Variants in DENND2C observed in about 807,000 individuals in gnomAD.
DENND2C encodes the protein DENN domain containing 2C.
DENND2C carries 72 observed loss-of-function variants against 112.4 expected under a neutral mutation model. The observed-to-expected ratio is 0.64, with a 90% CI of 0.53 to 0.78. The LOEUF is 0.78. DENND2C is among the 30% of genes least tolerant of loss of function. The pLI, the probability that DENND2C is intolerant of heterozygous loss-of-function variation, is 0.00. For synonymous variants in DENND2C, 329 were observed against 381.6 expected, an observed-to-expected ratio of 0.86 and a Z score of 1.61; for missense variants, 992 against 1,113.8, an observed-to-expected ratio of 0.89 and a Z score of 1.56.
intron 7 of DENND2C, among the ~76,000 whole-genome samples, chr1:114,620,110 G>A (rs1171366553): frequency 6.6e-6 from 1 of 152,128 alleles, no homozygotes; most frequent in East Asian, 1.9e-4. Flanking sequence ...CCCTTCCAGG[G>A]ACAGCTGGAG....
chr1:114,630,254 GC>G (rs1407975284), intron 3 of DENND2C, among the ~76,000 whole-genome samples: 1 of 151,816 alleles, frequency 6.6e-6, no homozygotes. Context: ...GCTTCAGTGA[GC>G]CGAGATCGCG....
intron 9 of DENND2C, among the ~76,000 whole-genome samples, chr1:114,609,300 C>G (rs1402451978): frequency 6.6e-6 from 1 of 152,200 alleles, no homozygotes; most frequent in Non-Finnish European, 1.5e-5. Context: ...GGGCAGAGAT[C>G]TGATAAAATA....
intron 3 of DENND2C, among the ~76,000 whole-genome samples, chr1:114,635,716 T>C (rs1656635721): frequency 6.6e-6 from 1 of 152,050 alleles, no homozygotes; most frequent in Non-Finnish European, 1.5e-5. Context: ...TCTAAAATAT[T>C]AGTAAGTCCA....
intron 1 of DENND2C, among the ~76,000 whole-genome samples, chr1:114,657,264 T>C (rs191461886): frequency 1.6e-4 from 25 of 152,364 alleles, no homozygotes; most frequent in African/African-American, 5.5e-4. Context: ...CTTTTGTTTG[T>C]TTGTTTGTTT....
At chr1:114,589,335 T>TG (rs1045939749) in intron 18 of DENND2C, among the ~76,000 whole-genome samples, 90 of 152,316 alleles carry the variant, frequency 5.9e-4, no homozygotes, top group Middle Eastern at 3.4e-3. Flanking sequence ...TAATAGTGGG[T>TG]GGCTCACTTT....
At chr1:114,630,222 C>T (rs1338306185) in intron 3 of DENND2C, among the ~76,000 whole-genome samples, 7 of 151,812 alleles carry the variant, frequency 4.6e-5, no homozygotes, top group African/African-American at 1.5e-4. Flanking sequence ...GCAGGAGAAT[C>T]GCTTGAACCC....
chr1:114,618,862 GA>G (rs1656077450), intron 7 of DENND2C, among the ~76,000 whole-genome samples: 1 of 152,192 alleles, frequency 6.6e-6, no homozygotes. Flanking sequence ...TCATTTATCT[GA>G]AAGGCAGGGT....
At chr1:114,590,232 A>T (rs1655149343) in intron 18 of DENND2C, among the ~76,000 whole-genome samples, 1 of 152,154 alleles carries the variant, frequency 6.6e-6, no homozygotes, top group Non-Finnish European at 1.5e-5. Context: ...TCTACAAAAA[A>T]TTAAAGAATT....
chr1:114,602,292 T>C, intron 11 of DENND2C, 98 bp from the exon 12 acceptor site: 1 of 1,216,914 alleles, frequency 8.2e-7, no homozygotes, highest in Non-Finnish European at 1.2e-6. Flanking sequence ...ACAGTAGTCA[T>C]TTTGTGATCT....
chr1:114,585,272 C>A lies in DENND2C; in HGVS notation c.*328G>T. The A allele has an allele frequency of 3.4e-6, 1 of 292,844 alleles. No homozygotes were observed. 18.1% of individuals were successfully genotyped at this position (292,844 alleles called of 1,614,324 possible). A position where few individuals can be genotyped will look rare whatever the true frequency, so the allele number is the denominator to read the frequency against. On this transcript the variant is annotated 3_prime_UTR_variant, in exon 21 of 21. Transcript: ENST00000393274. ...TCTTTGAGCTATTTTTTAAATGTAA[C>A]AACAACAAGGCTTTTCCTTGTGAAA...
chr1:114,661,265 T>G (rs1229167182), intron 1 of DENND2C, among the ~76,000 whole-genome samples: 1 of 152,198 alleles, frequency 6.6e-6, no homozygotes, highest in Non-Finnish European at 1.5e-5. Flanking sequence ...TGTCCAATAA[T>G]GGTAAAGAAT....
rs1657252611 is a variant in DENND2C, at chr1:114,654,497, T to C, written c.-317+8A>G. 6.6e-6 allele frequency: 1 copy of C among 152,104 alleles called. No homozygotes were observed. The highest frequency in any genetic ancestry group is 1.5e-5 in the Non-Finnish European group (1 of 68,004). The allele number at this position is 152,104 out of a possible 1,614,324, so 9.4% of individuals were successfully genotyped here. A position where few individuals can be genotyped will look rare whatever the true frequency, so the allele number is the denominator to read the frequency against. ...TTATAGCATTTGTTTCAAAAGGAGA[T>C]AACTTACTTTTTAAAGATTCATCAA... On this transcript the variant is annotated splice_region_variant and intron_variant, in intron 2 of 20. Coordinates refer to ENST00000393274, the MANE Select transcript of DENND2C (RefSeq NM_001256404.2).
At chr1:114,629,705 G>T (rs1190196908) in intron 3 of DENND2C, among the ~76,000 whole-genome samples, 1 of 152,060 alleles carries the variant, frequency 6.6e-6, no homozygotes, top group Non-Finnish European at 1.5e-5. Flanking sequence ...ACCAACTGTA[G>T]TTTATCAGCT....
chr1:114,589,383 G>A (rs1206216958), intron 18 of DENND2C, among the ~76,000 whole-genome samples: 8 of 152,152 alleles, frequency 5.3e-5, no homozygotes, highest in Admixed American at 4.6e-4. Context: ...AGCTAGCAGG[G>A]CTGACCAGGT....
chr1:114,657,515 G>A lies in DENND2C; in HGVS notation c.-573-2754C>T, dbSNP rs138684599. 2.6e-4 allele frequency among the ~76,000 whole-genome samples: 40 copies of A among 152,286 alleles called. No individual in the cohort carries two copies. The East Asian group carries it at 7.1e-3, about 27-fold the overall frequency. ...AGTACTATCAATGTGTGGAATCATG[G>A]AAGCCAAAGGAAGAGACTCTATCAA... On this transcript the variant is annotated intron_variant, in intron 1 of 20. Coordinates refer to ENST00000393274, the MANE Select transcript of DENND2C (RefSeq NM_001256404.2).
intron 11 of DENND2C, among the ~76,000 whole-genome samples, chr1:114,604,542 G>A (rs929308722): frequency 6.6e-6 from 1 of 152,108 alleles, no homozygotes; most frequent in Non-Finnish European, 1.5e-5. Flanking sequence ...GAAGAAAGAA[G>A]ATAAAGATGA....
At chr1:114,638,413 C>T (rs775428506) in intron 3 of DENND2C, among the ~76,000 whole-genome samples, 1 of 152,092 alleles carries the variant, frequency 6.6e-6, no homozygotes, top group Non-Finnish European at 1.5e-5. Context: ...AGAATGGATA[C>T]ATTGGACTTC....
chr1:114,664,580 A>C (rs1657595845), intron 1 of DENND2C, among the ~76,000 whole-genome samples: 1 of 152,070 alleles, frequency 6.6e-6, no homozygotes, highest in South Asian at 2.1e-4. Flanking sequence ...CCTGGGTTCA[A>C]GTGATTCTCC....
Position 114,625,724 on chromosome 1 carries a change from G to T in DENND2C, c.261C>A (p.Thr87=). The change falls in exon 4 of 21, where the codon ACC becomes ACA. Residue 87 remains threonine, a synonymous_variant. Coordinates refer to ENST00000393274, the MANE Select transcript of DENND2C (RefSeq NM_001256404.2). The stretch of plus-strand genomic sequence containing the variant: ...CATTCTCACTTTGATCATGGCTTTT[G>T]GTATTTTCATTTATATCTAGACCCA... ...ENVGLDINEN[T]KSHDQSENEN... is the part of the protein sequence containing the mutation. The T allele has an allele frequency of 1.9e-6, 3 of 1,613,830 alleles. No homozygotes were observed. The highest frequency in any genetic ancestry group is 2.5e-6 in the Non-Finnish European group (3 of 1,179,964).
Sources: gnomAD v4.1 joint callset for allele counts (sites outside exome capture counted in the v4.1 genomes callset) on GRCh38, gnomAD v4.1.1 for gene constraint, MANE v1.5 for transcripts, NCBI Gene and HGNC (gene_info 2026-07-23, HGNC 2026-07-21) for gene names.